CREB3L3: variants seen among roughly 807,000 people sequenced by gnomAD.
CREB3L3 encodes cyclic AMP-responsive element-binding protein 3-like protein 3.
CREB3L3 carries 40 observed loss-of-function variants against 44.6 expected under a neutral mutation model. That is an observed-to-expected ratio of 0.90 (90% CI 0.70 to 1.17). The LOEUF is 1.17. CREB3L3 is among the 50% of genes most tolerant of loss of function. The pLI is 0.00. For missense variants in CREB3L3, 578 were observed against 595.8 expected, an observed-to-expected ratio of 0.97 and a Z score of 0.31; for synonymous variants, 273 against 256.3, an observed-to-expected ratio of 1.06 and a Z score of -0.62.
intron 6 of CREB3L3, among the ~76,000 whole-genome samples, chr19:4,169,654 C>A (rs536190781): frequency 7.3e-6 from 1 of 136,286 alleles, no homozygotes; most frequent in Admixed American, 8.1e-5. Context: ...TGCAATGGTG[C>A]GATCTTGACT....
Position 4,170,186 on chromosome 19 carries a change from T to C in CREB3L3, c.868T>C (p.Leu290=). ...GAATCAGGAGTTACAGAGGAAAGTC[T>C]TGCATCTCGAGAAGCAAAACCTGTG... ...AQNQELQRKV[L]HLEKQNLSLL... is the part of the protein sequence containing the mutation. Residue 290 remains leucine, a synonymous_variant, in exon 7 of 10, where the codon TTG becomes CTG. Transcript: ENST00000078445. 1 of 1,614,098 alleles carries C rather than the reference T, an allele frequency of 6.2e-7. No individual in the cohort carries two copies. The highest frequency in any genetic ancestry group is 8.5e-7 in the Non-Finnish European group (1 of 1,179,990).
chr19:4,163,351 A>AGAAAGAAAGAAAGAAAGAAAGAAAGAAG (rs535753131), intron 4 of CREB3L3, among the ~76,000 whole-genome samples: 3,432 of 116,968 alleles, frequency 0.029, 88 homozygotes, highest in East Asian at 0.1. Flanking sequence ...AAAGAAAGAA[A>AGAAAGAAAGAAAGAAAGAAAGAAAGAAG]GAAGGAAGGA....
intron 5 of CREB3L3, among the ~76,000 whole-genome samples, chr19:4,166,946 A>C (rs1451124088): frequency 6.6e-6 from 1 of 151,804 alleles, no homozygotes; most frequent in Non-Finnish European, 1.5e-5. Context: ...TGCCCAGTCT[A>C]GTCTTGAACT....
intron 3 of CREB3L3, among the ~76,000 whole-genome samples, chr19:4,159,394 G>A (rs1029805303): frequency 2.7e-5 from 3 of 111,606 alleles, no homozygotes; most frequent in Admixed American, 8.7e-5. Context: ...CAGATGATCC[G>A]CCTGCCTTGG....
In CREB3L3 at chr19:4,154,925, C is replaced by A; in HGVS notation, c.54C>A (p.Asp18Glu). The A allele has an allele frequency of 1.1e-5, 17 of 1,613,926 alleles. No individual in the cohort carries two copies. Among genetic ancestry groups the A allele is most frequent in the Non-Finnish European group, 1.4e-5 (17 of 1,180,014 alleles). Residue 18 changes from aspartate to glutamate, a missense_variant, in exon 2 of 10, where the codon GAC (aspartate) becomes GAA (glutamate). Physicochemically the swap from Asp to Glu is conservative, Grantham distance 45. Transcript: ENST00000078445. ...GKMASAACSM[D>E]PIDSFELLDL... is the part of the protein sequence containing the mutation. ...TGGCTTCTGCTGCCTGCTCCATGGACCCCATCGACAGCTTTGAGCTCCTGG... is the reference window on the plus strand; with the variant it reads ...TGGCTTCTGCTGCCTGCTCCATGGAACCCATCGACAGCTTTGAGCTCCTGG...
Position 4,159,688 on chromosome 19 carries a change from T to C in CREB3L3, c.482T>C (p.Ile161Thr). 6.4e-7 allele frequency: 1 copy of C among 1,573,670 alleles called. No individual in the cohort carries two copies. Among genetic ancestry groups the C allele is most frequent in the Non-Finnish European group, 8.7e-7 (1 of 1,143,330 alleles). Reference protein sequence around the residue: ...DLEMWSPGGRICAEKPADPVD... With the variant: ...DLEMWSPGGRTCAEKPADPVD... ...GAAATGTGGAGCCCAGGAGGAAGGA[T>C]CTGTGCTGAGAAGCCGGCTGATCCG... The change falls in exon 4 of 10, where the codon ATC (isoleucine) becomes ACC (threonine). Residue 161 changes from isoleucine (I) to threonine (T), a missense_variant. Coordinates refer to ENST00000078445, the MANE Select transcript of CREB3L3 (RefSeq NM_032607.3).
intron 5 of CREB3L3, among the ~76,000 whole-genome samples, chr19:4,165,806 G>A (rs184345623): frequency 4.6e-5 from 7 of 152,166 alleles, no homozygotes; most frequent in East Asian, 1.9e-4. Context: ...GAACCCGGGA[G>A]GTGGAGGTTG....
chr19:4,153,802 G>A (rs1394822652), intron 1 of CREB3L3, 28 bp downstream of exon 1: 3 of 1,613,646 alleles, frequency 1.9e-6, no homozygotes, highest in South Asian at 2.2e-5. Flanking sequence ...CCCAGGGAGA[G>A]CGGGAGTCTA....
chr19:4,162,044 G>C (rs569844665), intron 4 of CREB3L3, among the ~76,000 whole-genome samples: 2 of 152,112 alleles, frequency 1.3e-5, no homozygotes, highest in Non-Finnish European at 2.9e-5. Context: ...GTCATGGTCC[G>C]TCGTCCAGGC....
chr19:4,168,468 C>T lies in CREB3L3; in HGVS notation c.821+11C>T. 1.3e-6 allele frequency: 2 copies of T among 1,584,298 alleles called. No homozygotes were observed. The highest frequency in any genetic ancestry group is 1.7e-6 in the Non-Finnish European group (2 of 1,157,932). The stretch of plus-strand genomic sequence containing the variant: ...TGGCCTGGAGACTCGGTGGGTAGTG[C>T]TGGACCCAGACTCTACACTCGTGGA... On this transcript the variant is annotated intron_variant, in intron 6 of 9. Coordinates refer to ENST00000078445, the MANE Select transcript of CREB3L3 (RefSeq NM_032607.3).
chr19:4,155,883 G>C (rs1220308928), intron 2 of CREB3L3, among the ~76,000 whole-genome samples: 1 of 151,664 alleles, frequency 6.6e-6, no homozygotes, highest in Admixed American at 6.6e-5. Flanking sequence ...GAGTAGCTGG[G>C]ATTACAGGCA....
intron 6 of CREB3L3, among the ~76,000 whole-genome samples, 198 bp downstream of exon 6, chr19:4,168,655 C>A (rs1000733146): frequency 6.6e-6 from 1 of 152,016 alleles, no homozygotes; most frequent in Non-Finnish European, 1.5e-5. Context: ...TTTGGGGGAC[C>A]CTTTGCCCCC....
chr19:4,171,277 A>G lies in CREB3L3; in HGVS notation c.975+102A>G. The G allele has an allele frequency of 7.1e-7, 1 of 1,414,220 alleles. No homozygotes were observed. Among genetic ancestry groups the G allele is most frequent in the Non-Finnish European group, 9.9e-7 (1 of 1,010,390 alleles). 87.6% of individuals were successfully genotyped at this position (1,414,220 alleles called of 1,614,324 possible). ...CAAGCTCTCCTTGTGCCCCAGCTCA[A>G]GTATGATCCAGTCTGGTCTTTGGGG... On this transcript the variant is annotated intron_variant, in intron 8 of 9. Transcript: ENST00000078445. The surrounding 1 kb of genome is among the most constrained non-coding windows in gnomAD (Gnocchi z 4.9).
chr19:4,165,816 G>A (rs1029191511), intron 5 of CREB3L3, among the ~76,000 whole-genome samples: 8 of 152,090 alleles, frequency 5.3e-5, no homozygotes, highest in African/African-American at 9.7e-5. Context: ...GGTGGAGGTT[G>A]CAGTGAGCCG....
chr19:4,164,367 C>G lies in CREB3L3; in HGVS notation c.577-136C>G, dbSNP rs1350798011. 6 of 1,064,784 alleles carry G rather than the reference C, an allele frequency of 5.6e-6. No individual in the cohort carries two copies. The African/African-American group carries it at 9.3e-5, about 17-fold the overall frequency. 66.0% of individuals were successfully genotyped at this position (1,064,784 alleles called of 1,614,324 possible). On this transcript the variant is annotated intron_variant, in intron 4 of 9. Transcript: ENST00000078445. ...AAGTGATCCACATGCCTCAGCCTCT[C>G]TAAGTGCTGGGATGACAGGCGTGAG...
chr19:4,171,889 GC>G lies in CREB3L3; in HGVS notation c.1309del (p.Leu437CysfsTer79). 1 of 1,612,832 alleles carries G rather than the reference GC, an allele frequency of 6.2e-7. No homozygotes were observed. Among genetic ancestry groups the G allele is most frequent in the Non-Finnish European group, 8.5e-7 (1 of 1,179,794 alleles). On this transcript the variant is annotated frameshift_variant, in exon 10 of 10. Transcript: ENST00000078445. LOFTEE classifies it low-confidence loss of function (END_TRUNC). This position sits in a 1 kb window ranked among gnomAD's most constrained non-coding sequence, Gnocchi z 4.9. Reference sequence around the variant, plus strand: ...TGCAACAGAGGGGCTGGGCCAGGTCGCCCTGCTGGACTGGGTGGCGCCTGGG... The same window carrying G: ...TGCAACAGAGGGGCTGGGCCAGGTCGCCTGCTGGACTGGGTGGCGCCTGGG... Reference protein sequence around the residue: ...RNATEGLGQVALLDWVAPGPS... With the variant: ...RNATEGLGQVXLLDWVAPGPS...
intron 2 of CREB3L3, among the ~76,000 whole-genome samples, chr19:4,156,105 CT>C: frequency 2.1e-5 from 3 of 140,740 alleles, no homozygotes; most frequent in Non-Finnish European, 3.1e-5. Flanking sequence ...CTCTCTCTCT[CT>C]CTCTCTCTCT....
chr19:4,161,169 A>G (rs1013167563), intron 4 of CREB3L3, among the ~76,000 whole-genome samples: 1 of 152,040 alleles, frequency 6.6e-6, no homozygotes, highest in Non-Finnish European at 1.5e-5. Context: ...TCATCATGTT[A>G]GCCAGGATGG....
chr19:4,169,083 CA>C (rs1259294394), intron 6 of CREB3L3, among the ~76,000 whole-genome samples: 1 of 152,074 alleles, frequency 6.6e-6, no homozygotes, highest in Non-Finnish European at 1.5e-5. Flanking sequence ...CATCTTTATC[CA>C]GGGTCATTCC....
Sources: gnomAD v4.1 joint callset for allele counts (sites outside exome capture counted in the v4.1 genomes callset) on GRCh38, gnomAD v4.1.1 for gene constraint, Gnocchi (gnomAD v3.1) non-coding constraint, MANE v1.5 for transcripts, NCBI Gene and HGNC (gene_info 2026-07-23, HGNC 2026-07-21) for gene names.